Variants in NMNAT3 observed in about 807,000 individuals in gnomAD.
NMNAT3 encodes the protein nicotinamide nucleotide adenylyltransferase 3.
NMNAT3 carries 21 observed loss-of-function variants against 24.8 expected under a neutral mutation model. That is an observed-to-expected ratio of 0.85 (90% CI 0.60 to 1.22). NMNAT3 has a LOEUF of 1.22. Among genes scored for constraint, NMNAT3 ranks in the 50% most tolerant of loss-of-function variants. The pLI, the probability that NMNAT3 is intolerant of heterozygous loss-of-function variation, is 0.00. For missense variants in NMNAT3, 387 were observed against 436.6 expected (o/e 0.89, Z 1.01); for synonymous variants, 136 against 155.2 (o/e 0.88, Z 0.92).
chr3:139,621,171 C>T (rs1157175718), intron 3 of NMNAT3, among the ~76,000 whole-genome samples: 1 of 152,168 alleles, frequency 6.6e-6, no homozygotes, highest in African/African-American at 2.4e-5. Context: ...ATTCCAATTG[C>T]TTCAGGTCCT....
At chr3:139,561,515 T>A (rs1936383780) in intron 6 of NMNAT3, 123 bp from the exon 7 acceptor site, 7 of 889,188 alleles carry the variant, frequency 7.9e-6, no homozygotes, top group African/African-American at 5.0e-5. Context: ...GTCTCCATGT[T>A]CATGACTTGA....
intron 5 of NMNAT3, chr3:139,576,206 C>G (rs1939285671): frequency 9.1e-6 from 9 of 985,334 alleles, no homozygotes; most frequent in Middle Eastern, 5.2e-4. Flanking sequence ...CTAAAACCAC[C>G]TGACTTTACA....
At chr3:139,675,406 A>C (rs1199396357) in intron 1 of NMNAT3, among the ~76,000 whole-genome samples, 1 of 152,150 alleles carries the variant, frequency 6.6e-6, no homozygotes, top group Non-Finnish European at 1.5e-5. Flanking sequence ...CATCAGTTAG[A>C]GACACATCAT....
At chr3:139,668,054 C>G (rs2057641675) in intron 1 of NMNAT3, among the ~76,000 whole-genome samples, 1 of 152,088 alleles carries the variant, frequency 6.6e-6, no homozygotes, top group Non-Finnish European at 1.5e-5. Flanking sequence ...ATGAAATTAT[C>G]CAGGTGTAAC....
intron 5 of NMNAT3, 152 bp downstream of exon 5, chr3:139,578,720 C>T (rs1338286760): frequency 6.6e-6 from 4 of 605,992 alleles, no homozygotes; most frequent in Non-Finnish European, 1.1e-5. Flanking sequence ...CTGTTGATCT[C>T]TCTCCTGCTA....
At chr3:139,587,811 G>C (rs1251151857) in intron 3 of NMNAT3, among the ~76,000 whole-genome samples, 4 of 152,128 alleles carry the variant, frequency 2.6e-5, no homozygotes, top group Non-Finnish European at 4.4e-5. Flanking sequence ...GGGTTGGGAG[G>C]ACTAACTCCT....
At chr3:139,646,848 C>T (rs2056888095) in intron 1 of NMNAT3, among the ~76,000 whole-genome samples, 1 of 152,218 alleles carries the variant, frequency 6.6e-6, no homozygotes, top group Admixed American at 6.5e-5. Flanking sequence ...GAGTTTGAAG[C>T]AGGAGACATA....
intron 3 of NMNAT3, among the ~76,000 whole-genome samples, chr3:139,592,021 A>C (rs2054215390): frequency 6.6e-6 from 1 of 152,212 alleles, no homozygotes; most frequent in Admixed American, 6.5e-5. Context: ...AAATTACTCC[A>C]AGCTACGGGA....
At chr3:139,590,479 G>GA (rs1353522922) in intron 3 of NMNAT3, among the ~76,000 whole-genome samples, 1 of 151,990 alleles carries the variant, frequency 6.6e-6, no homozygotes, top group Non-Finnish European at 1.5e-5. Context: ...ATCTAAATCT[G>GA]AAAAAACAAG....
At chr3:139,646,471 T>G (rs2056875232) in intron 1 of NMNAT3, among the ~76,000 whole-genome samples, 1 of 152,222 alleles carries the variant, frequency 6.6e-6, no homozygotes, top group African/African-American at 2.4e-5. Context: ...ATCCTCTGTC[T>G]GAAATGAGGC....
At chr3:139,611,112 A>G (rs1320847295) in intron 3 of NMNAT3, among the ~76,000 whole-genome samples, 1 of 152,198 alleles carries the variant, frequency 6.6e-6, no homozygotes, top group Non-Finnish European at 1.5e-5. Context: ...TTAATCTGGG[A>G]TGCCACAAGC....
intron 6 of NMNAT3, among the ~76,000 whole-genome samples, chr3:139,572,482 A>T (rs1340279400): frequency 6.6e-6 from 1 of 152,182 alleles, no homozygotes; most frequent in Non-Finnish European, 1.5e-5. Flanking sequence ...CAGAGTGCTT[A>T]TTAAATATCC....
chr3:139,578,752 AT>A, intron 5 of NMNAT3, 119 bp downstream of exon 5: 1 of 791,156 alleles, frequency 1.3e-6, no homozygotes. Flanking sequence ...CTTCTTGGAT[AT>A]TTGCTGAGAA....
intron 3 of NMNAT3, among the ~76,000 whole-genome samples, chr3:139,619,817 T>A (rs2055677536): frequency 1.3e-5 from 2 of 152,326 alleles, no homozygotes; most frequent in Middle Eastern, 3.4e-3. Flanking sequence ...TGCTCACTAT[T>A]TTCAGCTATA....
chr3:139,572,181 G>C (rs1938489481), intron 6 of NMNAT3: 1 of 398,610 alleles, frequency 2.5e-6, no homozygotes, highest in South Asian at 1.3e-4. Context: ...TGAGCCCAGA[G>C]TCTGTTCCAG....
At chr3:139,565,871 T>C (rs1347228855) in intron 6 of NMNAT3, 2 of 152,208 alleles carry the variant, frequency 1.3e-5, no homozygotes, top group African/African-American at 4.8e-5. Context: ...CCTTTGGGTA[T>C]ATACCCAGTA....
intron 1 of NMNAT3, among the ~76,000 whole-genome samples, chr3:139,650,439 C>T (rs1173228206): frequency 6.6e-6 from 1 of 152,176 alleles, no homozygotes; most frequent in African/African-American, 2.4e-5. Flanking sequence ...TTTGTGCTCC[C>T]ATTTGCAGAA....
intron 1 of NMNAT3, among the ~76,000 whole-genome samples, chr3:139,673,494 A>T (rs571145991): frequency 1.3e-5 from 2 of 152,146 alleles, no homozygotes; most frequent in Non-Finnish European, 2.9e-5. Context: ...GTGTATATGA[A>T]AAAAGGAACA....
chr3:139,566,077 C>A (rs1178474193), intron 6 of NMNAT3: 1 of 151,808 alleles, frequency 6.6e-6, no homozygotes, highest in Admixed American at 6.6e-5. Flanking sequence ...GATGGTATCT[C>A]ATTGTGGTTT....
Sources: gnomAD v4.1 joint callset for allele counts (sites outside exome capture counted in the v4.1 genomes callset) on GRCh38, gnomAD v4.1.1 for gene constraint, MANE v1.5 for transcripts, NCBI Gene and HGNC (gene_info 2026-07-23, HGNC 2026-07-21) for gene names.